The following IL1RAP variants were observed in gnomAD, a reference collection of about 807,000 sequenced individuals.
IL1RAP encodes interleukin-1 receptor accessory protein.
Under a neutral mutation model 60.7 loss-of-function variants are expected in IL1RAP, and 35 were observed. That is an observed-to-expected ratio of 0.58 (90% CI 0.44 to 0.76). IL1RAP has a LOEUF of 0.76. Ranked by LOEUF, IL1RAP falls within the 30% of genes least tolerant of loss-of-function variation. The pLI, the probability that IL1RAP is intolerant of heterozygous loss-of-function variation, is 0.00. For synonymous variants in IL1RAP, 268 were observed against 250.9 expected, an observed-to-expected ratio of 1.07 and a Z score of -0.64; for missense variants, 572 against 693.9, an observed-to-expected ratio of 0.82 and a Z score of 1.97.
intron 2 of IL1RAP, among the ~76,000 whole-genome samples, chr3:190,560,184 C>G (rs1183197375): frequency 6.6e-6 from 1 of 152,158 alleles, no homozygotes; most frequent in Non-Finnish European, 1.5e-5. Flanking sequence ...CAGACCTACT[C>G]AGACTTTTTG....
chr3:190,611,790 C>A lies in IL1RAP; in HGVS notation c.537+2609C>A, dbSNP rs569547602. On this transcript the variant is annotated intron_variant, in intron 5 of 11. Transcript: ENST00000447382. ...GTTTTTTTGTATGTGCTTTATTTTA[C>A]AATAAAATGACTAAGAGGGATGGAG... is the stretch of plus-strand genomic sequence containing the variant. 9.9e-5 allele frequency among the ~76,000 whole-genome samples: 15 copies of A among 151,536 alleles called. No individual in the cohort carries two copies. In the South Asian group the frequency reaches 2.3e-3, roughly 23 times the overall value.
intron 9 of IL1RAP, among the ~76,000 whole-genome samples, chr3:190,632,621 T>C: frequency 1.3e-5 from 2 of 152,366 alleles, no homozygotes; most frequent in South Asian, 4.1e-4. Context: ...CAATTTATTC[T>C]ATGCTTAGTG....
intron 1 of IL1RAP, among the ~76,000 whole-genome samples, chr3:190,522,050 G>C (rs1420883952): frequency 6.6e-6 from 1 of 152,082 alleles, no homozygotes; most frequent in Non-Finnish European, 1.5e-5. Context: ...AGAAATGATG[G>C]AGACTTGAGA....
chr3:190,634,957 C>T (rs539587474), intron 9 of IL1RAP, among the ~76,000 whole-genome samples: 32 of 152,210 alleles, frequency 2.1e-4, no homozygotes, highest in Non-Finnish European at 7.4e-5. Context: ...CCTTGTGATC[C>T]GCCCGCCTAG....
chr3:190,641,182 C>T (rs1465874344), intron 9 of IL1RAP, among the ~76,000 whole-genome samples: 3 of 152,212 alleles, frequency 2.0e-5, no homozygotes, highest in Non-Finnish European at 4.4e-5. Flanking sequence ...TCAGGCTGGT[C>T]TCAAACTCCC....
At chr3:190,608,889 AT>A in intron 4 of IL1RAP, 105 bp from the exon 5 acceptor site, 3 of 777,920 alleles carry the variant, frequency 3.9e-6, no homozygotes, top group Non-Finnish European at 4.2e-6. Flanking sequence ...ACATGTATAA[AT>A]GATGTCTCCG....
intron 5 of IL1RAP, among the ~76,000 whole-genome samples, chr3:190,613,183 G>A (rs948396957): frequency 5.0e-5 from 4 of 80,456 alleles, no homozygotes; most frequent in Non-Finnish European, 1.2e-4. Flanking sequence ...GCAAAGCTAT[G>A]TAATGTCTTA....
intron 9 of IL1RAP, among the ~76,000 whole-genome samples, chr3:190,641,052 G>A (rs963497655): frequency 1.3e-5 from 2 of 152,028 alleles, no homozygotes; most frequent in Non-Finnish European, 2.9e-5. Context: ...TGCAACCTCC[G>A]CCTCCCAGGT....
chr3:190,526,834 AG>A (rs1251935020), intron 1 of IL1RAP, among the ~76,000 whole-genome samples: 2 of 152,256 alleles, frequency 1.3e-5, no homozygotes, highest in African/African-American at 4.8e-5. Context: ...TAAAAATCAA[AG>A]CCAAAGATTC....
At chr3:190,623,182 A>G (rs1373250772) in intron 6 of IL1RAP, among the ~76,000 whole-genome samples, 162 bp from the exon 7 acceptor site, 5 of 152,214 alleles carry the variant, frequency 3.3e-5, no homozygotes, top group African/African-American at 1.2e-4. Context: ...CTTGTTTTAA[A>G]TGACTGAAGT....
At chr3:190,653,053 C>T (rs57058729), downstream of IL1RAP, among the ~76,000 whole-genome samples, 508 of 152,182 alleles carry the variant, frequency 3.3e-3, 2 homozygotes, top group African/African-American at 0.012. Flanking sequence ...TATAAAGTAA[C>T]CTTAGTAATG....
At chr3:190,624,926 C>T (rs932551719) in intron 7 of IL1RAP, 8 of 171,642 alleles carry the variant, frequency 4.7e-5, no homozygotes, top group Admixed American at 3.6e-4. Flanking sequence ...AGTTGCCAGG[C>T]GGGTCAAGTG....
chr3:190,564,636 T>C (rs1726208691), intron 3 of IL1RAP: 1 of 368,814 alleles, frequency 2.7e-6, no homozygotes, highest in South Asian at 4.1e-5. Context: ...GAATATTGCT[T>C]TTTTCCCTTA....
At chr3:190,627,543 A>G (rs1198493572) in intron 8 of IL1RAP, 94 bp downstream of exon 8, 3 of 1,402,110 alleles carry the variant, frequency 2.1e-6, no homozygotes, top group Middle Eastern at 1.9e-4. Flanking sequence ...AAAAATTCTC[A>G]TTTTTCCCTA....
downstream of IL1RAP, chr3:190,651,534 T>C (rs1734400075): frequency 3.2e-6 from 1 of 309,816 alleles, no homozygotes; most frequent in African/African-American, 2.3e-5. Flanking sequence ...GTGCATGTGT[T>C]TTATGTCATT....
chr3:190,548,260 C>T (rs1293114234), intron 1 of IL1RAP, among the ~76,000 whole-genome samples: 1 of 152,084 alleles, frequency 6.6e-6, no homozygotes, highest in African/African-American at 2.4e-5. Flanking sequence ...GATAATGCAG[C>T]GTGCCTGTGA....
chr3:190,608,138 A>C (rs1730506729), intron 4 of IL1RAP, among the ~76,000 whole-genome samples: 1 of 152,224 alleles, frequency 6.6e-6, no homozygotes, highest in Non-Finnish European at 1.5e-5. Flanking sequence ...GTTGAACAGC[A>C]GAACAGGGGA....
At chr3:190,561,651 C>T (rs966565437) in intron 2 of IL1RAP, among the ~76,000 whole-genome samples, 15 of 152,174 alleles carry the variant, frequency 9.9e-5, no homozygotes, top group Middle Eastern at 3.4e-3. Flanking sequence ...TTTGGGAGGG[C>T]GTATTGCTTT....
intron 1 of IL1RAP, among the ~76,000 whole-genome samples, chr3:190,551,059 A>G (rs1560161128): frequency 6.6e-6 from 1 of 152,198 alleles, no homozygotes; most frequent in African/African-American, 2.4e-5. Context: ...ATGGGTTTGT[A>G]TCTTCAAATA....
Sources: allele counts gnomAD v4.1 joint callset (sites outside exome capture counted in the v4.1 genomes callset), GRCh38; gene constraint gnomAD v4.1.1; transcripts MANE v1.5; gene names NCBI Gene and HGNC (gene_info 2026-07-23, HGNC 2026-07-21).